Variants in TTC6 observed in about 807,000 individuals in gnomAD.
TTC6 encodes tetratricopeptide repeat protein 6.
In TTC6, 172 loss-of-function variants were observed where a neutral mutation model predicts 210.4. That is an observed-to-expected ratio of 0.82 (90% CI 0.72 to 0.93). TTC6 has a LOEUF of 0.93. Ranked by LOEUF, TTC6 falls within the 40% of genes least tolerant of loss-of-function variation. The pLI is 0.00. For missense variants in TTC6, 2,414 were observed against 2,318.1 expected (o/e 1.04, Z -0.85); for synonymous variants, 804 against 819.6 (o/e 0.98, Z 0.32).
chr14:37,636,046 T>C lies in TTC6; in HGVS notation c.939+13043T>C, dbSNP rs1489845028. ...CAGAGACAAACAGGACTTTATAATA[T>C]TGTAAAAGGATCAACACACCAGGAA... On this transcript the variant is annotated intron_variant, in intron 1 of 30. Coordinates refer to ENST00000553443, the Ensembl canonical transcript of TTC6. Among the ~76,000 whole-genome samples the C allele has an allele frequency of 2.1e-5, 3 of 144,610 alleles. No homozygotes were observed. The East Asian group carries it at 6.0e-4, about 29-fold the overall frequency. The allele number at this position is 144,610 out of a possible 152,430, so 94.9% of individuals were successfully genotyped here.
Position 37,841,594 on chromosome 14 carries a change from T to TGCTTTTGG in TTC6, c.5450_5451insTTTTGGGC (p.Val1818PhefsTer15). The TGCTTTTGG allele has an allele frequency of 6.2e-7, 1 of 1,606,594 alleles. No homozygotes were observed. Among genetic ancestry groups the TGCTTTTGG allele is most frequent in the Non-Finnish European group, 8.5e-7 (1 of 1,178,422 alleles). On this transcript the variant is annotated frameshift_variant, in exon 30 of 31. Coordinates refer to ENST00000553443, the Ensembl canonical transcript of TTC6. LOFTEE classifies it high-confidence loss of function. The stretch of plus-strand genomic sequence containing the variant: ...TAATTGAAAGCTGTCCCTTTTGGGC[T>TGCTTTTGG]GCAGTATATTTTAATAGAGCACATT...
At chr14:37,622,327 C>A in exon 1 of TTC6, 2 of 1,533,464 alleles carry the variant, frequency 1.3e-6, no homozygotes, top group Non-Finnish European at 1.7e-6. Flanking sequence ...TCCGCGGCCG[C>A]CCTCCTGCAG....
At chr14:37,698,497 T>TC (rs2095818924) in intron 4 of TTC6, among the ~76,000 whole-genome samples, 1 of 152,084 alleles carries the variant, frequency 6.6e-6, no homozygotes, top group Non-Finnish European at 1.5e-5. Context: ...ACCTTTTTTT[T>TC]CCCCTCTATT....
At chr14:37,834,715 A>C (rs990804413) in intron 29 of TTC6, among the ~76,000 whole-genome samples, 1 of 151,006 alleles carries the variant, frequency 6.6e-6, no homozygotes, top group Admixed American at 6.6e-5. Flanking sequence ...GATTTATTGC[A>C]CTCCTTTTGA....
In TTC6 at chr14:37,761,087, C is replaced by T. The variant is rs564342132; in HGVS notation, c.3266+7852C>T. On this transcript the variant is annotated intron_variant, in intron 14 of 30. Coordinates refer to ENST00000553443, the Ensembl canonical transcript of TTC6. ...CTAAAAAGAACTCCTGCAGCTAGCT[C>T]GGTGTCTGCCCAAACAGCCACCCAG... is the stretch of plus-strand genomic sequence containing the variant. 1.2e-4 allele frequency among the ~76,000 whole-genome samples: 18 copies of T among 152,226 alleles called. No homozygotes were observed. In the East Asian group the frequency reaches 2.1e-3, roughly 18 times the overall value.
chr14:37,787,691 T>G, intron 15 of TTC6, 54 bp downstream of exon 17: 1 of 1,352,818 alleles, frequency 7.4e-7, no homozygotes, highest in Non-Finnish European at 9.6e-7. Context: ...ATTCAACAGC[T>G]CAGTTTCATA....
intron 7 of TTC6, among the ~76,000 whole-genome samples, chr14:37,730,950 C>G (rs1033909057): frequency 1.3e-5 from 2 of 152,128 alleles, no homozygotes; most frequent in African/African-American, 4.8e-5. Flanking sequence ...GAGGCTGGAG[C>G]TGCAGCAATG....
chr14:37,740,689 G>C (rs1005446059), intron 10 of TTC6, among the ~76,000 whole-genome samples: 8 of 152,154 alleles, frequency 5.3e-5, no homozygotes, highest in Non-Finnish European at 8.8e-5. Context: ...CTTAAGTTTT[G>C]TCTGCAACAA....
chr14:37,774,968 G>A (rs1478546896), intron 14 of TTC6, among the ~76,000 whole-genome samples: 2 of 152,092 alleles, frequency 1.3e-5, no homozygotes, highest in Non-Finnish European at 2.9e-5. Context: ...TTTTGGGAGG[G>A]TATATGTTTC....
chr14:37,746,275 ATTGTGCCCCCTCAC>A (rs1468256154), intron 10 of TTC6, among the ~76,000 whole-genome samples: 2 of 152,060 alleles, frequency 1.3e-5, no homozygotes, highest in African/African-American at 4.8e-5. Context: ...TTTCAAGGGT[ATTGTGCCCCCTCAC>A]TTATGCATTC....
chr14:37,685,334 A>G (rs369003681), intron 3 of TTC6, among the ~76,000 whole-genome samples: 2 of 152,184 alleles, frequency 1.3e-5, no homozygotes, highest in East Asian at 3.9e-4. Context: ...ATATCCATAG[A>G]AAAATATAAA....
chr14:37,621,931 G>A, upstream of TTC6: 1 of 596,978 alleles, frequency 1.7e-6, no homozygotes. Context: ...GCCTCAGGGA[G>A]CACGGTGAGG....
chr14:37,666,784 G>T (rs1275169216), intron 1 of TTC6, among the ~76,000 whole-genome samples: 1 of 150,356 alleles, frequency 6.7e-6, no homozygotes, highest in Non-Finnish European at 1.5e-5. Context: ...AAGGTCCACA[G>T]CAATTCAGGG....
At chr14:37,716,531 A>G (rs1186792771) in intron 6 of TTC6, among the ~76,000 whole-genome samples, 1 of 152,122 alleles carries the variant, frequency 6.6e-6, no homozygotes, top group East Asian at 1.9e-4. Context: ...GGGAATGGCT[A>G]TATTAATATC....
chr14:37,792,326 C>T (rs769998422), exon 17 of TTC6: 26 of 1,532,268 alleles, frequency 1.7e-5, no homozygotes, highest in South Asian at 3.6e-5. Context: ...GATAACTACA[C>T]GGAAGCTATT....
In TTC6 at chr14:37,787,563, T is replaced by G. The variant is rs2096070681; in HGVS notation, c.3362T>G (p.Leu1121Ter). ...ATTCACTTAGATCCTAATAACTGGT[T>G]AGCGTTGTATTATCGAGGTTGCTTA... is the stretch of plus-strand genomic sequence containing the variant. Residue 1121 changes from leucine (L) to a stop codon, truncating the protein, a stop_gained, in exon 15 of 31, where the codon TTA becomes TGA. Coordinates refer to ENST00000553443, the Ensembl canonical transcript of TTC6. LOFTEE classifies it high-confidence loss of function. The G allele has an allele frequency of 2.0e-6, 3 of 1,530,870 alleles. No individual in the cohort carries two copies. The highest frequency in any genetic ancestry group is 2.6e-6 in the Non-Finnish European group (3 of 1,143,424). 94.8% of individuals were successfully genotyped at this position (1,530,870 alleles called of 1,614,324 possible). A position where few individuals can be genotyped will look rare whatever the true frequency, so the allele number is the denominator to read the frequency against.
chr14:37,838,686 T>G (rs2096203333), intron 29 of TTC6, among the ~76,000 whole-genome samples: 1 of 152,218 alleles, frequency 6.6e-6, no homozygotes, highest in African/African-American at 2.4e-5. Context: ...TTGTTTACTT[T>G]TTTTAAAAAG....
At position 37,794,827 on chromosome 14, in the gene TTC6, G is replaced by A. The variant is rs963653057; in HGVS notation, c.3709-443G>A. 5.9e-5 allele frequency among the ~76,000 whole-genome samples: 9 copies of A among 151,842 alleles called. No homozygotes were observed. The South Asian group carries it at 1.0e-3, about 17-fold the overall frequency. On this transcript the variant is annotated intron_variant, in intron 17 of 30. Transcript: ENST00000553443. Reference sequence around the variant, plus strand: ...TCTTGACCTCCTGGCCTCATCAAGCGATTCTCCTATCTCAGCCTCCCAAAG... The same window carrying A: ...TCTTGACCTCCTGGCCTCATCAAGCAATTCTCCTATCTCAGCCTCCCAAAG...
chr14:37,827,346 C>T, exon 29 of TTC6: 1 of 1,612,428 alleles, frequency 6.2e-7, no homozygotes, highest in Non-Finnish European at 8.5e-7. Flanking sequence ...TATCTACTTT[C>T]ACCACAGGCA....
Sources: allele counts gnomAD v4.1 joint callset (sites outside exome capture counted in the v4.1 genomes callset), GRCh38; gene constraint gnomAD v4.1.1; transcripts MANE v1.5; gene names NCBI Gene and HGNC (gene_info 2026-07-23, HGNC 2026-07-21).